The following ATCAY variants were observed in gnomAD, a reference collection of about 807,000 sequenced individuals.
ATCAY encodes ATCAY kinesin light chain interacting caytaxin, also known as caytaxin.
Under a neutral mutation model 47.7 loss-of-function variants are expected in ATCAY, and 22 were observed. The ratio of observed to expected loss-of-function variants is 0.46; its 90% CI spans 0.33 to 0.66. ATCAY has a LOEUF of 0.66. Ranked by LOEUF, ATCAY falls within the 30% of genes least tolerant of loss-of-function variation. ATCAY has a pLI of 0.02. For synonymous variants in ATCAY, 216 were observed against 207.6 expected (o/e 1.04, Z -0.35); for missense variants, 452 against 515.0 (o/e 0.88, Z 1.18).
At chr19:3,910,594 G>C (rs1467172289) in intron 7 of ATCAY, among the ~76,000 whole-genome samples, 1 of 152,082 alleles carries the variant, frequency 6.6e-6, no homozygotes, top group African/African-American at 2.4e-5. Context: ...TCCACCTGAG[G>C]GTCTTAGGGA....
chr19:3,894,354 G>C (rs1026418009), intron 2 of ATCAY, among the ~76,000 whole-genome samples: 1 of 151,740 alleles, frequency 6.6e-6, no homozygotes, highest in South Asian at 2.1e-4. Flanking sequence ...CGTGGTGGCA[G>C]GCGCCTGTAG....
intron 3 of ATCAY, 34 bp downstream of exon 3, chr19:3,902,579 G>A: frequency 6.4e-7 from 1 of 1,552,162 alleles, no homozygotes; most frequent in Non-Finnish European, 8.7e-7. Context: ...GGCGGAAACA[G>A]GCTCAGTGTT....
intron 2 of ATCAY, among the ~76,000 whole-genome samples, chr19:3,893,130 C>T (rs911389551): frequency 6.0e-5 from 9 of 150,746 alleles, no homozygotes; most frequent in Admixed American, 1.3e-4. Flanking sequence ...CTCAGCAGGA[C>T]GAAGCCACGC....
chr19:3,895,757 C>T (rs2038764734), intron 2 of ATCAY, among the ~76,000 whole-genome samples: 1 of 138,418 alleles, frequency 7.2e-6, no homozygotes, highest in African/African-American at 2.7e-5. Flanking sequence ...CTCTGTTGCT[C>T]AGGCGGGAGT....
intron 9 of ATCAY, among the ~76,000 whole-genome samples, chr19:3,914,574 A>G (rs886508662): frequency 6.6e-6 from 1 of 152,084 alleles, no homozygotes; most frequent in Admixed American, 6.6e-5. Context: ...TAATCCCAGC[A>G]TTTTGAGAGG....
chr19:3,904,252 A>T (rs1185916493), intron 3 of ATCAY, among the ~76,000 whole-genome samples: 1 of 152,236 alleles, frequency 6.6e-6, no homozygotes, highest in African/African-American at 2.4e-5. Flanking sequence ...TGAACCTGGG[A>T]GGCGGAGGTT....
intron 11 of ATCAY, 141 bp downstream of exon 11, chr19:3,919,018 C>A: frequency 2.0e-6 from 2 of 1,017,776 alleles, no homozygotes; most frequent in Non-Finnish European, 3.0e-6. Flanking sequence ...TGGCTCACGC[C>A]TGTAATCCCA....
Position 3,909,812 on chromosome 19 carries a change from A to AG in ATCAY, c.779+200dup, listed in dbSNP as rs1360245223. Among the ~76,000 whole-genome samples the AG allele has an allele frequency of 2.0e-5, 3 of 152,144 alleles. No homozygotes were observed. The South Asian group carries it at 6.2e-4, about 32-fold the overall frequency. ...TACAGAAAAACTTTTAGGCCGGGCA[A>AG]GGGGGCTCACACCTCTAATCCCAGC... On this transcript the variant is annotated intron_variant, in intron 7 of 12. Coordinates refer to ENST00000450849, the MANE Select transcript of ATCAY (RefSeq NM_033064.5).
At chr19:3,918,326 A>C (rs957842627) in intron 10 of ATCAY, among the ~76,000 whole-genome samples, 7 of 151,878 alleles carry the variant, frequency 4.6e-5, no homozygotes, top group Non-Finnish European at 1.0e-4. Flanking sequence ...CGGAGGTTGC[A>C]GTGAGCCGAG....
intron 11 of ATCAY, 81 bp from the exon 12 acceptor site, chr19:3,920,685 T>C: frequency 8.2e-7 from 1 of 1,226,438 alleles, no homozygotes. Context: ...AAAAATAAAA[T>C]AAGTTAAAGA....
intron 2 of ATCAY, among the ~76,000 whole-genome samples, chr19:3,895,796 G>A (rs1198779401): frequency 6.8e-6 from 1 of 146,694 alleles, no homozygotes; most frequent in Non-Finnish European, 1.5e-5. Context: ...GCTCACTGCA[G>A]CCTCAAACTC....
At chr19:3,898,073 G>A (rs2038784850) in intron 2 of ATCAY, among the ~76,000 whole-genome samples, 1 of 152,074 alleles carries the variant, frequency 6.6e-6, no homozygotes, top group Non-Finnish European at 1.5e-5. Context: ...ATCACCGTGA[G>A]AGGAAATCCT....
chr19:3,918,663 T>C, intron 10 of ATCAY, 143 bp from the exon 11 acceptor site: 2 of 756,012 alleles, frequency 2.6e-6, no homozygotes, highest in Non-Finnish European at 4.2e-6. Flanking sequence ...TTTTCTCAAA[T>C]AGCAAAGGCA....
intron 2 of ATCAY, among the ~76,000 whole-genome samples, chr19:3,899,292 A>C (rs2145235652): frequency 6.6e-6 from 1 of 151,504 alleles, no homozygotes; most frequent in Non-Finnish European, 1.5e-5. Context: ...AGTGGAACAG[A>C]AATGAGGGAA....
In ATCAY at chr19:3,918,879, T is replaced by G. The variant is rs2038991347; in HGVS notation, c.1073+2T>G. ...AGAGGTGGCACCAGTGGAAAACAGG[T>G]AGGTGTGCAGGGGACCATGGGCAGA... On this transcript the variant is annotated splice_donor_variant, in intron 11 of 12. Transcript: ENST00000450849. LOFTEE classifies it high-confidence loss of function. The G allele has an allele frequency of 6.2e-7, 1 of 1,613,756 alleles. No individual in the cohort carries two copies. The highest frequency in any genetic ancestry group is 8.5e-7 in the Non-Finnish European group (1 of 1,179,834).
At chr19:3,901,448 C>A (rs1043525321) in intron 2 of ATCAY, among the ~76,000 whole-genome samples, 2 of 152,042 alleles carry the variant, frequency 1.3e-5, no homozygotes, top group Admixed American at 1.3e-4. Flanking sequence ...GGGGTTTTAT[C>A]TATTTATTTA....
At chr19:3,881,384 G>GA (rs397946296) in intron 1 of ATCAY, among the ~76,000 whole-genome samples, 4,184 of 130,294 alleles carry the variant, frequency 0.032, 112 homozygotes, top group East Asian at 0.066. Flanking sequence ...ACGATTTCGG[G>GA]AAAAAAAAAA....
At chr19:3,881,580 G>T (rs1334086437) in intron 1 of ATCAY, among the ~76,000 whole-genome samples, 1 of 151,736 alleles carries the variant, frequency 6.6e-6, no homozygotes, top group Non-Finnish European at 1.5e-5. Flanking sequence ...TCTTTTGGCC[G>T]TCCCCAAATG....
chr19:3,912,339 A>G (rs1212453022), intron 8 of ATCAY, among the ~76,000 whole-genome samples: 2 of 150,542 alleles, frequency 1.3e-5, no homozygotes, highest in Non-Finnish European at 1.5e-5. Flanking sequence ...TTTCAGACGG[A>G]GTCTCACTCT....
Sources: allele counts gnomAD v4.1 joint callset (sites outside exome capture counted in the v4.1 genomes callset), GRCh38; gene constraint gnomAD v4.1.1; transcripts MANE v1.5; gene names NCBI Gene and HGNC (gene_info 2026-07-23, HGNC 2026-07-21).